The following IFT43 variants were observed in gnomAD, a reference collection of about 807,000 sequenced individuals.
The protein encoded by IFT43 is intraflagellar transport protein 43 homolog.
Under a neutral mutation model 32.3 loss-of-function variants are expected in IFT43, and 33 were observed. The ratio of observed to expected loss-of-function variants is 1.02; its 90% CI spans 0.77 to 1.37. The LOEUF (loss-of-function observed/expected upper bound fraction) is 1.37, where lower values mean the gene tolerates loss of function less well. IFT43 is among the 40% of genes most tolerant of loss of function. The pLI is 0.00. For synonymous variants in IFT43, 93 were observed against 98.2 expected, an observed-to-expected ratio of 0.95 and a Z score of 0.31; for missense variants, 274 against 265.9, an observed-to-expected ratio of 1.03 and a Z score of -0.21.
chr14:76,022,413 T>G lies in IFT43; in HGVS notation c.215+19T>G. ...CTTCGAAGTGAGTACCAGCAGCTCATAAGAGTATGGGTGGGGGTGCACACG... is the reference window on the plus strand; with the variant it reads ...CTTCGAAGTGAGTACCAGCAGCTCAGAAGAGTATGGGTGGGGGTGCACACG... On this transcript the variant is annotated intron_variant, in intron 3 of 8. Coordinates refer to ENST00000314067, the MANE Select transcript of IFT43 (RefSeq NM_001102564.3). 2 of 1,454,278 alleles carry G rather than the reference T, an allele frequency of 1.4e-6. No homozygotes were observed. Among genetic ancestry groups the G allele is most frequent in the Non-Finnish European group, 1.9e-6 (2 of 1,034,402 alleles). 90.1% of individuals were successfully genotyped at this position (1,454,278 alleles called of 1,614,324 possible). A position where few individuals can be genotyped will look rare whatever the true frequency, so the allele number is the denominator to read the frequency against.
chr14:76,040,605 C>G (rs1450466469), intron 3 of IFT43, among the ~76,000 whole-genome samples: 1 of 152,220 alleles, frequency 6.6e-6, no homozygotes, highest in African/African-American at 2.4e-5. Flanking sequence ...CCTCGGATGG[C>G]TAGTGACCAG....
At chr14:75,989,020 A>G (rs775508960) in intron 2 of IFT43, 43 bp downstream of exon 2, 10 of 1,609,092 alleles carry the variant, frequency 6.2e-6, no homozygotes, top group Non-Finnish European at 8.5e-6. Flanking sequence ...ATACTGTTTA[A>G]GAGTTAGTGA....
chr14:76,002,819 G>C (rs2035914068), intron 2 of IFT43, among the ~76,000 whole-genome samples: 1 of 152,226 alleles, frequency 6.6e-6, no homozygotes, highest in African/African-American at 2.4e-5. Context: ...TGGGACTTGG[G>C]TTTGCAGGGT....
chr14:75,999,289 T>A (rs1224981075), intron 2 of IFT43, among the ~76,000 whole-genome samples: 5 of 108,770 alleles, frequency 4.6e-5, no homozygotes, highest in African/African-American at 1.5e-4. Flanking sequence ...ATATTTTTTT[T>A]TTTTTTTTTT....
At chr14:76,067,682 A>C (rs2037249164) in intron 5 of IFT43, among the ~76,000 whole-genome samples, 1 of 152,156 alleles carries the variant, frequency 6.6e-6, no homozygotes, top group Non-Finnish European at 1.5e-5. Context: ...TCTATTGCTT[A>C]ACCAGAATGT....
chr14:76,013,063 G>A (rs1485400657), intron 2 of IFT43, among the ~76,000 whole-genome samples: 4 of 152,132 alleles, frequency 2.6e-5, no homozygotes, highest in Non-Finnish European at 2.9e-5. Context: ...CCAAGTGCTT[G>A]GTCAAGGAGG....
chr14:75,999,281 A>ATATATATATATATAT (rs1566699821), intron 2 of IFT43, among the ~76,000 whole-genome samples: 1 of 39,064 alleles, frequency 2.6e-5, no homozygotes, highest in Non-Finnish European at 4.6e-5. Flanking sequence ...ATGTATATAT[A>ATATATATATATATAT]TTTTTTTTTT....
chr14:75,996,774 T>TG (rs2035755178), intron 2 of IFT43, among the ~76,000 whole-genome samples: 1 of 152,246 alleles, frequency 6.6e-6, no homozygotes, highest in Non-Finnish European at 1.5e-5. Flanking sequence ...TTTGTTGTTC[T>TG]GGGGGCAGAT....
At chr14:76,036,579 A>G (rs2036604232) in intron 3 of IFT43, among the ~76,000 whole-genome samples, 2 of 150,958 alleles carry the variant, frequency 1.3e-5, no homozygotes, top group South Asian at 2.1e-4. Flanking sequence ...TTATTTTTGT[A>G]TTTTTAGTAG....
At chr14:75,985,870 C>T in intron 1 of IFT43, 30 bp downstream of exon 1, 2 of 1,611,942 alleles carry the variant, frequency 1.2e-6, no homozygotes, top group Non-Finnish European at 1.7e-6. Context: ...CCTTGGGGGC[C>T]AGGATTTGGC....
At chr14:76,078,452 A>C (rs2037449902) in intron 5 of IFT43, among the ~76,000 whole-genome samples, 1 of 152,198 alleles carries the variant, frequency 6.6e-6, no homozygotes. Flanking sequence ...GACAGGGACC[A>C]TGTCTATTTT....
At chr14:76,043,101 G>A (rs1357963997) in intron 3 of IFT43, among the ~76,000 whole-genome samples, 2 of 152,164 alleles carry the variant, frequency 1.3e-5, no homozygotes, top group African/African-American at 4.8e-5. Flanking sequence ...TGTCTCTTCA[G>A]CCTTACACAC....
intron 8 of IFT43, 28 bp downstream of exon 8, chr14:76,083,317 C>A: frequency 6.2e-7 from 1 of 1,609,610 alleles, no homozygotes; most frequent in South Asian, 1.1e-5. Context: ...ATTCCCCGGT[C>A]TCTCAGCTCT....
chr14:76,037,583 A>G (rs2036624575), intron 3 of IFT43, among the ~76,000 whole-genome samples: 1 of 152,144 alleles, frequency 6.6e-6, no homozygotes, highest in South Asian at 2.1e-4. Context: ...AAAAATTTCA[A>G]ACCTATAGAA....
intron 3 of IFT43, among the ~76,000 whole-genome samples, chr14:76,057,467 A>G (rs1484716071): frequency 6.6e-6 from 1 of 152,026 alleles, no homozygotes; most frequent in African/African-American, 2.4e-5. Context: ...CTGACCTCAA[A>G]TGATCCACCT....
Position 76,012,494 on chromosome 14 carries a change from A to G in IFT43, c.148-9833A>G, listed in dbSNP as rs1178012339. Among the ~76,000 whole-genome samples the G allele has an allele frequency of 2.0e-5, 3 of 152,288 alleles. No individual in the cohort carries two copies. In the South Asian group the frequency reaches 6.2e-4, roughly 32 times the overall value. ...AGAAAGCTGGTATTTCAGGACTGCAACCGCCAGTCACGTGCTTCCAACTCT... is the reference window on the plus strand; with the variant it reads ...AGAAAGCTGGTATTTCAGGACTGCAGCCGCCAGTCACGTGCTTCCAACTCT... On this transcript the variant is annotated intron_variant, in intron 2 of 8. Coordinates refer to ENST00000314067, the MANE Select transcript of IFT43 (RefSeq NM_001102564.3).
chr14:76,071,995 C>T (rs1312436037), intron 5 of IFT43, among the ~76,000 whole-genome samples: 1 of 152,158 alleles, frequency 6.6e-6, no homozygotes. Flanking sequence ...GCTCCCCCAT[C>T]GCGATTCTCA....
rs1030138561 is a variant in IFT43, at chr14:76,076,627, T to C, written c.296-5668T>C. 1 of 1,614,166 alleles carries C rather than the reference T, an allele frequency of 6.2e-7. No individual in the cohort carries two copies. Among genetic ancestry groups the C allele is most frequent in the Admixed American group, 1.7e-5 (1 of 60,034 alleles). ...CCCAAACAGGCAAACAACAGCTGGA[T>C]CTGAACGCATGCTATCACAAAACGC... is the stretch of plus-strand genomic sequence containing the variant. On this transcript the variant is annotated intron_variant, in intron 5 of 8. Coordinates refer to ENST00000314067, the MANE Select transcript of IFT43 (RefSeq NM_001102564.3).
intron 2 of IFT43, among the ~76,000 whole-genome samples, chr14:76,006,158 G>A (rs949671687): frequency 2.6e-5 from 4 of 152,146 alleles, no homozygotes; most frequent in Non-Finnish European, 5.9e-5. Context: ...GAGGCCCAGC[G>A]ACCAGAGCTA....
Sources: gnomAD v4.1 joint callset for allele counts (sites outside exome capture counted in the v4.1 genomes callset) on GRCh38, gnomAD v4.1.1 for gene constraint, MANE v1.5 for transcripts, NCBI Gene and HGNC (gene_info 2026-07-23, HGNC 2026-07-21) for gene names.